F2RL1: variants seen among roughly 807,000 people sequenced by gnomAD.
F2RL1 encodes the protein F2R like trypsin receptor 1, also known as proteinase-activated receptor 2.
In F2RL1, 16 loss-of-function variants were observed where a neutral mutation model predicts 21.7. The observed-to-expected ratio is 0.74, with a 90% CI of 0.50 to 1.12. The LOEUF is 1.12. Ranked by LOEUF, F2RL1 falls within the 50% of genes most tolerant of loss-of-function variation. F2RL1 has a pLI of 0.00. For synonymous variants in F2RL1, 181 were observed against 186.7 expected, an observed-to-expected ratio of 0.97 and a Z score of 0.25; for missense variants, 432 against 477.8, an observed-to-expected ratio of 0.90 and a Z score of 0.89.
At chr5:76,821,432 G>A in intron 1 of F2RL1, among the ~76,000 whole-genome samples, 1 of 152,148 alleles carries the variant, frequency 6.6e-6, no homozygotes, top group Admixed American at 6.6e-5. Flanking sequence ...GCTGGTCCAT[G>A]TGGTGTTCAT....
Position 76,819,039 on chromosome 5 carries a change from C to T in F2RL1, c.-144C>T. On this transcript the variant is annotated 5_prime_UTR_variant, in exon 1 of 2. Transcript: ENST00000296677. The stretch of plus-strand genomic sequence containing the variant: ...CTCCTTCGGTTTCCCTGAAACCTAA[C>T]CCGCCCTGGGGAGGCGCGCAGCAGA... 1.5e-6 allele frequency: 1 copy of T among 677,062 alleles called. No homozygotes were observed. Among genetic ancestry groups the T allele is most frequent in the Non-Finnish European group, 2.4e-6 (1 of 409,882 alleles). 41.9% of individuals were successfully genotyped at this position (677,062 alleles called of 1,614,324 possible).
rs1282028928 is a variant in F2RL1 at position 76,834,584 on chromosome 5, G to C, written c.*783G>C. ...GTATCACTTTAACTCAGGAGGCAGA[G>C]GTTGCAGTGAGCCGAGATTGCACCA... is the stretch of plus-strand genomic sequence containing the variant. On this transcript the variant is annotated 3_prime_UTR_variant, in exon 2 of 2. Coordinates refer to ENST00000296677, the MANE Select transcript of F2RL1 (RefSeq NM_005242.6). 1 of 152,200 alleles carries C rather than the reference G, an allele frequency of 6.6e-6. No homozygotes were observed. The highest frequency in any genetic ancestry group is 1.5e-5 in the Non-Finnish European group (1 of 68,050). The allele number at this position is 152,200 out of a possible 1,614,324, so 9.4% of individuals were successfully genotyped here.
chr5:76,833,693 A>G lies in F2RL1; in HGVS notation c.1086A>G (p.Arg362=). The G allele has an allele frequency of 3.1e-6, 5 of 1,613,948 alleles. No individual in the cohort carries two copies. The highest frequency in any genetic ancestry group is 4.2e-6 in the Non-Finnish European group (5 of 1,180,004). Residue 362 remains arginine (R), a synonymous_variant, in exon 2 of 2, where the codon CGA becomes CGG. Coordinates refer to ENST00000296677, the MANE Select transcript of F2RL1 (RefSeq NM_005242.6). ...RDHAKNALLC[R]SVRTVKQMQV... ...ATGCAAAGAACGCTCTCCTTTGCCG[A>G]AGTGTCCGCACTGTAAAGCAGATGC...
intron 1 of F2RL1, among the ~76,000 whole-genome samples, chr5:76,820,220 G>A (rs556755346): frequency 1.3e-5 from 2 of 152,336 alleles, no homozygotes; most frequent in East Asian, 1.9e-4. Flanking sequence ...TCCGGGCCCA[G>A]CAGGCCTCGC....
chr5:76,822,755 A>C (rs1350270802), intron 1 of F2RL1, among the ~76,000 whole-genome samples: 1 of 152,134 alleles, frequency 6.6e-6, no homozygotes, highest in Admixed American at 6.6e-5. Context: ...CCCACAATTG[A>C]AACCTTTATT....
intron 1 of F2RL1, among the ~76,000 whole-genome samples, chr5:76,827,596 G>A (rs988615014): frequency 1.4e-5 from 2 of 139,406 alleles, no homozygotes; most frequent in African/African-American, 5.4e-5. Flanking sequence ...GGGTCATATA[G>A]TAACTTTTTT....
At chr5:76,831,606 T>C (rs1375525747) in intron 1 of F2RL1, among the ~76,000 whole-genome samples, 1 of 150,176 alleles carries the variant, frequency 6.7e-6, no homozygotes, top group Non-Finnish European at 1.5e-5. Context: ...TGATCTTGGA[T>C]CACTGCAACC....
chr5:76,820,691 C>A (rs1750117310), intron 1 of F2RL1, among the ~76,000 whole-genome samples: 1 of 152,130 alleles, frequency 6.6e-6, no homozygotes, highest in Non-Finnish European at 1.5e-5. Flanking sequence ...ATTCAGAGAT[C>A]CCTGTAGGAA....
rs1324114225 is a variant in F2RL1 at position 76,833,849 on chromosome 5, G to T, written c.*48G>T. 2.5e-6 allele frequency: 4 copies of T among 1,568,684 alleles called. No individual in the cohort carries two copies. Among genetic ancestry groups the T allele is most frequent in the Admixed American group, 3.6e-5 (2 of 55,552 alleles). Reference sequence around the variant, plus strand: ...AATTGCACAGTAGGATGTGGAACCTGTTTAATGTTATGAGGACGTGTCTGT... The same window carrying T: ...AATTGCACAGTAGGATGTGGAACCTTTTTAATGTTATGAGGACGTGTCTGT... On this transcript the variant is annotated 3_prime_UTR_variant, in exon 2 of 2. Coordinates refer to ENST00000296677, the MANE Select transcript of F2RL1 (RefSeq NM_005242.6).
In F2RL1 at chr5:76,833,665, A is replaced by G; in HGVS notation, c.1058A>G (p.Asp353Gly). 5 of 1,613,968 alleles carry G rather than the reference A, an allele frequency of 3.1e-6. No homozygotes were observed. Among genetic ancestry groups the G allele is most frequent in the Non-Finnish European group, 4.2e-6 (5 of 1,180,000 alleles). Residue 353 changes from aspartate (D) to glycine (G), a missense_variant, in exon 2 of 2, where the codon GAT becomes GGT. Asp to Gly is a moderately conservative substitution (Grantham distance 94). Coordinates refer to ENST00000296677, the MANE Select transcript of F2RL1 (RefSeq NM_005242.6). ...TACTTTGTTTCACATGATTTCAGGGATCATGCAAAGAACGCTCTCCTTTGC... is the reference window on the plus strand; with the variant it reads ...TACTTTGTTTCACATGATTTCAGGGGTCATGCAAAGAACGCTCTCCTTTGC... ...VYYFVSHDFR[D>G]HAKNALLCRS...
intron 1 of F2RL1, among the ~76,000 whole-genome samples, chr5:76,820,619 AG>A (rs1166242958): frequency 1.3e-5 from 2 of 152,132 alleles, no homozygotes; most frequent in Admixed American, 1.3e-4. Context: ...TCAGGAGCAA[AG>A]GTTAGTATGT....
rs1239707169 is a variant in F2RL1 at position 76,833,221 on chromosome 5, T to G, written c.614T>G (p.Val205Gly). Reference protein sequence around the residue: ...SLAIWLLILLVTIPLYVVKQT... With the variant: ...SLAIWLLILLGTIPLYVVKQT... The stretch of plus-strand genomic sequence containing the variant: ...GCAATATGGCTGCTGATTCTGCTGG[T>G]CACCATTCCTTTGTATGTCGTGAAG... Residue 205 changes from valine (V) to glycine (G), a missense_variant, in exon 2 of 2, where the codon GTC becomes GGC. Coordinates refer to ENST00000296677, the MANE Select transcript of F2RL1 (RefSeq NM_005242.6). The G allele has an allele frequency of 1.2e-6, 2 of 1,613,942 alleles. No individual in the cohort carries two copies. The highest frequency in any genetic ancestry group is 4.5e-5 in the East Asian group (2 of 44,840).
chr5:76,830,545 G>A (rs1750331821), intron 1 of F2RL1, among the ~76,000 whole-genome samples: 1 of 152,118 alleles, frequency 6.6e-6, no homozygotes. Flanking sequence ...CAAAGTGCTG[G>A]GATTACAGGC....
At chr5:76,829,115 C>CAA (rs113689720) in intron 1 of F2RL1, among the ~76,000 whole-genome samples, 342 of 141,314 alleles carry the variant, frequency 2.4e-3, no homozygotes, top group African/African-American at 8.0e-3. Flanking sequence ...GACTCCATCT[C>CAA]AAAAAAAAAA....
At chr5:76,828,228 A>G (rs1174951701) in intron 1 of F2RL1, among the ~76,000 whole-genome samples, 1 of 151,986 alleles carries the variant, frequency 6.6e-6, no homozygotes, top group Non-Finnish European at 1.5e-5. Flanking sequence ...CTCGGCCTCC[A>G]ATAGTGCTGG....
At chr5:76,825,632 G>GGATAAA (rs1474740994) in intron 1 of F2RL1, among the ~76,000 whole-genome samples, 1 of 152,120 alleles carries the variant, frequency 6.6e-6, no homozygotes, top group Non-Finnish European at 1.5e-5. Flanking sequence ...ATTTTACCTG[G>GGATAAA]TTGACAATTG....
chr5:76,833,268 C>G lies in F2RL1; in HGVS notation c.661C>G (p.Leu221Val). The change falls in exon 2 of 2, where the codon CTG (leucine) becomes GTG (valine). Residue 221 changes from leucine (L) to valine (V), a missense_variant. Leu to Val is a conservative substitution (Grantham distance 32). Coordinates refer to ENST00000296677, the MANE Select transcript of F2RL1 (RefSeq NM_005242.6). ...VVKQTIFIPA[L>V]NITTCHDVLP... is the part of the protein sequence containing the mutation. ...GAAGCAGACCATCTTCATTCCTGCC[C>G]TGAACATCACGACCTGTCATGATGT... 1 of 1,613,504 alleles carries G rather than the reference C, an allele frequency of 6.2e-7. No individual in the cohort carries two copies. The highest frequency in any genetic ancestry group is 8.5e-7 in the Non-Finnish European group (1 of 1,179,964).
At chr5:76,825,274 G>A (rs930468771) in intron 1 of F2RL1, among the ~76,000 whole-genome samples, 19 of 152,012 alleles carry the variant, frequency 1.2e-4, no homozygotes, top group African/African-American at 4.6e-4. Flanking sequence ...CAAAGTGCTG[G>A]GATTACAGGT....
chr5:76,832,616 T>C, intron 1 of F2RL1, 74 bp from the exon 2 acceptor site: 1 of 1,389,772 alleles, frequency 7.2e-7, no homozygotes, highest in Non-Finnish European at 9.8e-7. Flanking sequence ...TGAATGTACT[T>C]TCATTTGAAC....
Sources: gnomAD v4.1 joint callset for allele counts (sites outside exome capture counted in the v4.1 genomes callset) on GRCh38, gnomAD v4.1.1 for gene constraint, MANE v1.5 for transcripts, NCBI Gene and HGNC (gene_info 2026-07-23, HGNC 2026-07-21) for gene names.